The following KDM2A variants were observed in gnomAD, a reference collection of about 807,000 sequenced individuals.
KDM2A encodes the protein lysine-specific demethylase 2A.
A neutral mutation model predicts 137.3 loss-of-function variants in KDM2A; 3 were observed. The ratio of observed to expected loss-of-function variants is 0.02; its 90% CI spans 0.01 to 0.06. KDM2A has a LOEUF of 0.06. Ranked by LOEUF, KDM2A falls within the 10% of genes least tolerant of loss-of-function variation. The pLI, the probability that KDM2A is intolerant of heterozygous loss-of-function variation, is 1.00. For synonymous variants in KDM2A, 512 were observed against 541.5 expected (o/e 0.95, Z 0.76); for missense variants, 738 against 1,510.6 (o/e 0.49, Z 8.48).
chr11:67,181,749 C>A, intron 4 of KDM2A, 97 bp from the exon 5 acceptor site: 1 of 906,086 alleles, frequency 1.1e-6, no homozygotes. Context: ...GTGAATATTA[C>A]TGTGTCTGGG....
At chr11:67,184,946 C>CA (rs1473889258) in intron 5 of KDM2A, among the ~76,000 whole-genome samples, 40 of 151,892 alleles carry the variant, frequency 2.6e-4, no homozygotes, top group Non-Finnish European at 1.5e-4. Context: ...CAATTTTCAA[C>CA]AAAAAATCAT....
chr11:67,167,609 C>T (rs75520974), intron 2 of KDM2A, among the ~76,000 whole-genome samples: 43 of 151,220 alleles, frequency 2.8e-4, no homozygotes, highest in African/African-American at 1.0e-3. Context: ...CTTAAAGGTC[C>T]TACTGACTAA....
chr11:67,199,855 G>A (rs951882817), intron 5 of KDM2A, among the ~76,000 whole-genome samples: 2 of 152,168 alleles, frequency 1.3e-5, no homozygotes, highest in African/African-American at 4.8e-5. Flanking sequence ...TAGCATCTAG[G>A]ATTTTCATAG....
chr11:67,175,303 C>T (rs1856952968), intron 2 of KDM2A, among the ~76,000 whole-genome samples: 1 of 152,184 alleles, frequency 6.6e-6, no homozygotes, highest in South Asian at 2.1e-4. Context: ...GTGGCTCACA[C>T]CTGTAATCCC....
At chr11:67,181,288 C>G (rs1481862875) in intron 3 of KDM2A, 32 bp from the exon 4 acceptor site, 1 of 1,434,952 alleles carries the variant, frequency 7.0e-7, no homozygotes, top group Non-Finnish European at 9.7e-7. Context: ...AATTATACCA[C>G]TTATCTTTCT....
intron 2 of KDM2A, among the ~76,000 whole-genome samples, chr11:67,136,643 A>G (rs1449942528): frequency 6.6e-6 from 1 of 152,194 alleles, no homozygotes; most frequent in Non-Finnish European, 1.5e-5. Flanking sequence ...GGCATTTTGT[A>G]CTGAGACCTG....
At chr11:67,224,992 C>T (rs535377565) in intron 10 of KDM2A, among the ~76,000 whole-genome samples, 1 of 151,830 alleles carries the variant, frequency 6.6e-6, no homozygotes, top group African/African-American at 2.4e-5. Flanking sequence ...CAGGTATGCA[C>T]CACCACGCTA....
At chr11:67,164,162 A>C (rs1034507622) in intron 2 of KDM2A, among the ~76,000 whole-genome samples, 4 of 152,194 alleles carry the variant, frequency 2.6e-5, no homozygotes, top group Non-Finnish European at 5.9e-5. Context: ...TTCACATGAG[A>C]AAATGGAAGC....
At chr11:67,124,590 G>GT (rs1332710353) in intron 2 of KDM2A, among the ~76,000 whole-genome samples, 7 of 149,742 alleles carry the variant, frequency 4.7e-5, no homozygotes, top group Non-Finnish European at 7.4e-5. Flanking sequence ...GGGATTACAG[G>GT]TGCGAGCCAC....
Position 67,254,977 on chromosome 11 carries a change from C to T in KDM2A, c.3411C>T (p.Cys1137=), listed in dbSNP as rs772550723. Residue 1137 remains cysteine (C), a synonymous_variant, in exon 21 of 21, where the codon TGC becomes TGT. Transcript: ENST00000529006. The surrounding 1 kb of genome is among the most constrained non-coding windows in gnomAD (Gnocchi z 4.7). ...RGCKQITRKA[C]EHFISDLSIN... is the part of the protein sequence containing the mutation. The stretch of plus-strand genomic sequence containing the variant: ...GCAAGCAGATCACTCGAAAAGCCTG[C>T]GAGCACTTCATCTCAGACTTGTCCA... The T allele has an allele frequency of 1.2e-5, 20 of 1,613,582 alleles. No individual in the cohort carries two copies. The highest frequency in any genetic ancestry group is 4.4e-5 in the South Asian group (4 of 91,000).
chr11:67,245,475 G>A lies in KDM2A; in HGVS notation c.1833+17G>A, dbSNP rs2136450591. 1.2e-6 allele frequency: 2 copies of A among 1,610,266 alleles called. No homozygotes were observed. The highest frequency in any genetic ancestry group is 1.3e-5 in the African/African-American group (1 of 74,968). The stretch of plus-strand genomic sequence containing the variant: ...TGCTTGGCAGTGAGTGATCTGCTGG[G>A]TAAAGAATTTTGGGGAGGGGTGGCA... On this transcript the variant is annotated intron_variant, in intron 14 of 20. Coordinates refer to ENST00000529006, the MANE Select transcript of KDM2A (RefSeq NM_012308.3). This position sits in a 1 kb window ranked among gnomAD's most constrained non-coding sequence, Gnocchi z 4.1.
At position 67,243,385 on chromosome 11, in the gene KDM2A, A is replaced by G. The variant is rs78596078; in HGVS notation, c.1563+293A>G. On this transcript the variant is annotated intron_variant, in intron 13 of 20. Transcript: ENST00000529006. ...TATCCTTGTGACCAGTTACTCAGCT[A>G]TCTTCACAGATATGATTGAAAGCCA... 4.7e-4 allele frequency: 111 copies of G among 238,388 alleles called. No individual in the cohort carries two copies. The East Asian group carries it at 8.4e-3, about 18-fold the overall frequency. The allele number at this position is 238,388 out of a possible 1,614,324, so 14.8% of individuals were successfully genotyped here.
rs74922392 is a variant in KDM2A at position 67,148,019 on chromosome 11, T to C, written c.42+26661T>C. On this transcript the variant is annotated intron_variant, in intron 2 of 20. Coordinates refer to ENST00000529006, the MANE Select transcript of KDM2A (RefSeq NM_012308.3). ...TAGCAAATGTCTCTAGCTGATCATCTAGTGGTAATGTAAATCAGCTAAGTA... is the reference window on the plus strand; with the variant it reads ...TAGCAAATGTCTCTAGCTGATCATCCAGTGGTAATGTAAATCAGCTAAGTA... Among the ~76,000 whole-genome samples, 867 of 152,110 alleles carry C rather than the reference T, an allele frequency of 5.7e-3. 3 individuals are homozygous for C. The highest frequency in any genetic ancestry group is 0.02 in the African/African-American group (845 of 41,532).
chr11:67,182,828 C>T (rs1448838309), intron 5 of KDM2A, among the ~76,000 whole-genome samples: 3 of 152,154 alleles, frequency 2.0e-5, no homozygotes, highest in Admixed American at 6.5e-5. Context: ...CCACTGCACC[C>T]GGCTGGAATA....
intron 1 of KDM2A, among the ~76,000 whole-genome samples, chr11:67,120,266 G>A (rs974017398): frequency 6.6e-6 from 1 of 152,162 alleles, no homozygotes; most frequent in East Asian, 1.9e-4. Flanking sequence ...TTTCCCTCCC[G>A]ACTTCGGGCC....
At chr11:67,170,482 A>G (rs1339110317) in intron 2 of KDM2A, among the ~76,000 whole-genome samples, 2 of 132,116 alleles carry the variant, frequency 1.5e-5, no homozygotes, top group Non-Finnish European at 3.1e-5. Flanking sequence ...GCGCGATCTC[A>G]GCTCACTGCA....
chr11:67,212,782 T>TTA (rs1555092814), intron 6 of KDM2A, among the ~76,000 whole-genome samples: 1 of 143,100 alleles, frequency 7.0e-6, no homozygotes, highest in African/African-American at 2.6e-5. Flanking sequence ...GAATGCGTGG[T>TTA]AAAAAAAAAA....
Position 67,245,111 on chromosome 11 carries a change from A to G in KDM2A, c.1564-78A>G. The G allele has an allele frequency of 6.6e-7, 1 of 1,519,988 alleles. No homozygotes were observed. The highest frequency in any genetic ancestry group is 1.2e-5 in the South Asian group (1 of 82,466). 94.2% of individuals were successfully genotyped at this position (1,519,988 alleles called of 1,614,324 possible). A position where few individuals can be genotyped will look rare whatever the true frequency, so the allele number is the denominator to read the frequency against. ...TAGTGGGCCAAGCCCCAGGCTAGGT[A>G]TGCTACCATGTAATCTTCTACCCTA... On this transcript the variant is annotated intron_variant, in intron 13 of 20. Coordinates refer to ENST00000529006, the MANE Select transcript of KDM2A (RefSeq NM_012308.3). The surrounding 1 kb of genome is among the most constrained non-coding windows in gnomAD (Gnocchi z 4.1).
chr11:67,149,661 A>G (rs1856338825), intron 2 of KDM2A, among the ~76,000 whole-genome samples: 1 of 151,514 alleles, frequency 6.6e-6, no homozygotes, highest in East Asian at 1.9e-4. Context: ...AATTTTATAG[A>G]TGAAGAATAG....
Sources: allele counts gnomAD v4.1 joint callset (sites outside exome capture counted in the v4.1 genomes callset), GRCh38; gene constraint gnomAD v4.1.1; non-coding constraint Gnocchi (gnomAD v3.1); transcripts MANE v1.5; gene names NCBI Gene and HGNC (gene_info 2026-07-23, HGNC 2026-07-21).